The following ZNF235 variants were observed in gnomAD, a reference collection of about 807,000 sequenced individuals.
ZNF235 encodes zfp-93.
ZNF235 carries 25 observed loss-of-function variants against 29.4 expected under a neutral mutation model. The observed-to-expected ratio is 0.85, with a 90% CI of 0.62 to 1.19. The LOEUF (loss-of-function observed/expected upper bound fraction) is 1.19, where lower values mean the gene tolerates loss of function less well. Among genes scored for constraint, ZNF235 ranks in the 50% most tolerant of loss-of-function variants. The pLI is 0.00. For synonymous variants in ZNF235, 300 were observed against 295.3 expected, an observed-to-expected ratio of 1.02 and a Z score of -0.16; for missense variants, 788 against 885.0, an observed-to-expected ratio of 0.89 and a Z score of 1.39.
intron 3 of ZNF235, 78 bp from the exon 4 acceptor site, chr19:44,298,981 A>G: frequency 9.9e-7 from 1 of 1,008,114 alleles, no homozygotes; most frequent in Non-Finnish European, 1.5e-6. Flanking sequence ...CACATGATGT[A>G]AGTCTCCTCC....
At chr19:44,289,265 T>C (rs1201520448) in intron 4 of ZNF235, 69 bp from the exon 5 acceptor site, 2 of 1,370,620 alleles carry the variant, frequency 1.5e-6, no homozygotes, top group African/African-American at 1.5e-5. Flanking sequence ...AGAATTAAGA[T>C]CTAAGCTCTC....
chr19:44,302,977 T>C (rs1490579238), intron 2 of ZNF235, among the ~76,000 whole-genome samples: 2 of 130,300 alleles, frequency 1.5e-5, no homozygotes, highest in Non-Finnish European at 3.1e-5. Context: ...TATATATGTA[T>C]ATATTTATAT....
At position 44,287,074 on chromosome 19, in the gene ZNF235, A is replaced by C. The variant is rs557995541; in HGVS notation, c.*144T>G. 1 of 829,226 alleles carries C rather than the reference A, an allele frequency of 1.2e-6. No homozygotes were observed. Among genetic ancestry groups the C allele is most frequent in the African/African-American group, 1.7e-5 (1 of 58,568 alleles). 51.4% of individuals were successfully genotyped at this position (829,226 alleles called of 1,614,324 possible). A position where few individuals can be genotyped will look rare whatever the true frequency, so the allele number is the denominator to read the frequency against. ...AATTCATGTCCTAACCAAGTCTAAA[A>C]CACAGCATTTGAGAGACTTCTTTCC... On this transcript the variant is annotated 3_prime_UTR_variant, in exon 5 of 5. Coordinates refer to ENST00000291182, the MANE Select transcript of ZNF235 (RefSeq NM_004234.4).
chr19:44,302,969 TA>T (rs1975766788), intron 2 of ZNF235, among the ~76,000 whole-genome samples: 1 of 131,978 alleles, frequency 7.6e-6, no homozygotes, highest in Non-Finnish European at 1.5e-5. Flanking sequence ...TATATACGTA[TA>T]TATGTATATA....
At chr19:44,296,363 A>C (rs1975654652) in intron 4 of ZNF235, among the ~76,000 whole-genome samples, 1 of 152,214 alleles carries the variant, frequency 6.6e-6, no homozygotes, top group African/African-American at 2.4e-5. Flanking sequence ...GAAAACAAAT[A>C]GGTCATCCAA....
At chr19:44,295,379 A>C (rs889849343) in intron 4 of ZNF235, among the ~76,000 whole-genome samples, 4 of 152,290 alleles carry the variant, frequency 2.6e-5, no homozygotes, top group Non-Finnish European at 5.9e-5. Flanking sequence ...GAATGTATTT[A>C]ACCAAGGAAG....
At chr19:44,301,313 T>C (rs1232790809) in intron 2 of ZNF235, among the ~76,000 whole-genome samples, 1 of 152,128 alleles carries the variant, frequency 6.6e-6, no homozygotes, top group East Asian at 1.9e-4. Context: ...GTTCTGAACA[T>C]CTATGTACCA....
In ZNF235 at chr19:44,287,865, A is replaced by C; in HGVS notation, c.1570T>G (p.Phe524Val). ...PFRCNVCGKG[F>V]SQSSYFQAHQ... is the part of the protein sequence containing the mutation. ...GCTTGAAAGTATGAACTCTGACTGA[A>C]GCCTTTCCCACACACGTTGCATCGA... The change falls in exon 5 of 5, where the codon TTC becomes GTC. Residue 524 changes from phenylalanine (F) to valine (V), a missense_variant. Phe to Val is a conservative substitution (Grantham distance 50). Transcript: ENST00000291182. 6.2e-7 allele frequency: 1 copy of C among 1,613,918 alleles called. No individual in the cohort carries two copies. The highest frequency in any genetic ancestry group is 8.5e-7 in the Non-Finnish European group (1 of 1,179,962).
chr19:44,295,272 T>C (rs1975639576), intron 4 of ZNF235, among the ~76,000 whole-genome samples: 2 of 151,730 alleles, frequency 1.3e-5, no homozygotes, highest in African/African-American at 4.8e-5. Context: ...TATACAAAAG[T>C]CAGTAGCATT....
chr19:44,302,504 TA>T (rs1975752211), intron 2 of ZNF235, among the ~76,000 whole-genome samples: 1 of 151,960 alleles, frequency 6.6e-6, no homozygotes, highest in Admixed American at 6.6e-5. Flanking sequence ...GTTTTCCATT[TA>T]AAAAATATAT....
In ZNF235 at chr19:44,289,154, C is replaced by A. The variant is rs1335903924; in HGVS notation, c.281G>T (p.Gly94Val). Residue 94 changes from glycine to valine, a missense_variant, in exon 5 of 5, where the codon GGA (glycine) becomes GTA (valine). Transcript: ENST00000291182. Reference protein sequence around the residue: ...QNEMATLHKAGLRCFSLGELS... With the variant: ...QNEMATLHKAVLRCFSLGELS... ...CTCTCCCAGTGAAAAGCACCTTAATCCTGCTTTGTGAAGAGTTGCCATCTC... is the reference window on the plus strand; with the variant it reads ...CTCTCCCAGTGAAAAGCACCTTAATACTGCTTTGTGAAGAGTTGCCATCTC... 1.2e-6 allele frequency: 2 copies of A among 1,613,872 alleles called. No homozygotes were observed. The highest frequency in any genetic ancestry group is 1.7e-5 in the Admixed American group (1 of 59,990).
chr19:44,297,938 G>C (rs1008100190), intron 4 of ZNF235, among the ~76,000 whole-genome samples: 4 of 152,000 alleles, frequency 2.6e-5, no homozygotes, highest in African/African-American at 9.7e-5. Flanking sequence ...GGGCAACATG[G>C]GGAAACCTCG....
chr19:44,303,161 T>C (rs1258349922), intron 2 of ZNF235, among the ~76,000 whole-genome samples: 2 of 136,080 alleles, frequency 1.5e-5, no homozygotes, highest in East Asian at 4.0e-4. Context: ...TATATACGTA[T>C]ATATAAATAT....
intron 2 of ZNF235, among the ~76,000 whole-genome samples, chr19:44,300,868 C>A (rs1975727959): frequency 6.7e-6 from 1 of 149,206 alleles, no homozygotes. Flanking sequence ...AAGGTAAGTT[C>A]CAAGAAGTGG....
In ZNF235 at chr19:44,298,936, A is replaced by G. The variant is rs376771033; in HGVS notation, c.143-33T>C. On this transcript the variant is annotated intron_variant, in intron 3 of 4. Transcript: ENST00000291182. ...AAGATAGTATTTAAGTGAAAATGTT[A>G]AAGGCAAAGAGTACTGAAAAAATCT... The G allele has an allele frequency of 3.6e-5, 56 of 1,547,724 alleles. No homozygotes were observed. The African/African-American group carries it at 6.5e-4, about 18-fold the overall frequency.
rs367634634 is a variant in ZNF235, at chr19:44,287,630, T to G, written c.1805A>C (p.Asp602Ala). 3 of 1,613,940 alleles carry G rather than the reference T, an allele frequency of 1.9e-6. No homozygotes were observed. The highest frequency in any genetic ancestry group is 2.5e-6 in the Non-Finnish European group (3 of 1,179,852). ...VHTGEKPFKC[D>A]ACQKRFSQAS... The stretch of plus-strand genomic sequence containing the variant: ...CTGACTGAATCGCTTCTGACATGCA[T>G]CACACTTGAATGGTTTTTCCCCAGT... Residue 602 changes from aspartate (D) to alanine (A), a missense_variant, in exon 5 of 5, where the codon GAT (aspartate) becomes GCT (alanine). Transcript: ENST00000291182.
intron 2 of ZNF235, among the ~76,000 whole-genome samples, chr19:44,302,891 C>CGTAT (rs1975759250): frequency 1.3e-5 from 1 of 79,772 alleles, no homozygotes; most frequent in African/African-American, 8.9e-5. Context: ...TTTATATATA[C>CGTAT]ATATTTGTAT....
intron 2 of ZNF235, among the ~76,000 whole-genome samples, chr19:44,302,926 A>ATATATT (rs1195374611): frequency 9.3e-5 from 13 of 139,730 alleles, no homozygotes; most frequent in South Asian, 4.3e-4. Context: ...ATATATTTGT[A>ATATATT]TGTATTTATA....
intron 1 of ZNF235, 91 bp from the exon 2 acceptor site, chr19:44,303,543 G>T: frequency 1.7e-6 from 2 of 1,177,272 alleles, no homozygotes; most frequent in Non-Finnish European, 2.4e-6. Context: ...AGGTCCCCCT[G>T]TCTCTAGGCA....
Sources: gnomAD v4.1 joint callset for allele counts (sites outside exome capture counted in the v4.1 genomes callset) on GRCh38, gnomAD v4.1.1 for gene constraint, MANE v1.5 for transcripts, NCBI Gene and HGNC (gene_info 2026-07-23, HGNC 2026-07-21) for gene names.